POLR3G: variants seen among roughly 807,000 people sequenced by gnomAD.
POLR3G encodes RNA polymerase III subunit G.
A neutral mutation model predicts 30.1 loss-of-function variants in POLR3G; 28 were observed. That is an observed-to-expected ratio of 0.93 (90% confidence interval 0.69 to 1.27). The LOEUF (loss-of-function observed/expected upper bound fraction) is 1.27, where lower values mean the gene tolerates loss of function less well. POLR3G is among the 50% of genes most tolerant of loss of function. The pLI, the probability that POLR3G is intolerant of heterozygous loss-of-function variation, is 0.00. For synonymous variants in POLR3G, 79 were observed against 82.5 expected (o/e 0.96, Z 0.23); for missense variants, 254 against 264.6 (o/e 0.96, Z 0.28).
intron 4 of POLR3G, among the ~76,000 whole-genome samples, chr5:90,496,136 T>C (rs1751978442): frequency 6.6e-6 from 1 of 151,842 alleles, no homozygotes; most frequent in Non-Finnish European, 1.5e-5. Flanking sequence ...CATGCCCAGC[T>C]AATTTTTTGT....
chr5:90,477,710 G>A (rs1191798623), intron 1 of POLR3G, among the ~76,000 whole-genome samples: 1 of 151,536 alleles, frequency 6.6e-6, no homozygotes, highest in African/African-American at 2.5e-5. Context: ...GGTGGAGGGT[G>A]TCCAGGTTCT....
intron 3 of POLR3G, among the ~76,000 whole-genome samples, chr5:90,491,943 A>G (rs1432001745): frequency 6.6e-6 from 1 of 152,220 alleles, no homozygotes; most frequent in Non-Finnish European, 1.5e-5. Context: ...TTAAGAAGTT[A>G]TAAAGTCTTC....
intron 1 of POLR3G, among the ~76,000 whole-genome samples, chr5:90,478,204 TTTA>T (rs1750935271): frequency 6.6e-6 from 1 of 152,218 alleles, no homozygotes; most frequent in Admixed American, 6.5e-5. Context: ...AATTGACTTT[TTTA>T]TTTCAGCTCT....
chr5:90,489,258 ATTTT>A (rs527243253), intron 3 of POLR3G, among the ~76,000 whole-genome samples: 1 of 138,268 alleles, frequency 7.2e-6, no homozygotes, highest in Non-Finnish European at 1.6e-5. Context: ...AAAATACTTA[ATTTT>A]TTTTTTTTTT....
chr5:90,502,886 A>G lies in POLR3G; in HGVS notation c.438+898A>G, dbSNP rs79317130. Among the ~76,000 whole-genome samples the G allele has an allele frequency of 9.1e-4, 136 of 149,600 alleles. 1 individual carries two copies. In the East Asian group the frequency reaches 0.023, roughly 25 times the overall value. Reference sequence around the variant, plus strand: ...CTACATAATTGGATATATGGACATTATGTTTCATCTAGTGTTTTGCTGTTA... The same window carrying G: ...CTACATAATTGGATATATGGACATTGTGTTTCATCTAGTGTTTTGCTGTTA... On this transcript the variant is annotated intron_variant, in intron 6 of 7. Coordinates refer to ENST00000651687, the MANE Select transcript of POLR3G (RefSeq NM_006467.3).
chr5:90,474,665 C>A (rs111880682), upstream of POLR3G: 264 of 286,170 alleles, frequency 9.2e-4, 2 homozygotes, highest in African/African-American at 6.0e-3. Context: ...CGTGTGACAG[C>A]AGAGGCCCGC....
chr5:90,506,530 A>G lies in POLR3G; in HGVS notation c.441A>G (p.Glu147=). 6.2e-7 allele frequency: 1 copy of G among 1,612,140 alleles called. No individual in the cohort carries two copies. The highest frequency in any genetic ancestry group is 8.5e-7 in the Non-Finnish European group (1 of 1,179,414). ...NTEDVLKKME[E]LEKRGDGEKS... ...TTAATGAAACTCACTTATACCAGGA[A>G]TTGGAAAAAAGAGGTGATGGTGAAA... Residue 147 remains glutamate, a splice_region_variant and synonymous_variant, in exon 7 of 8, where the codon GAA becomes GAG. Coordinates refer to ENST00000651687, the MANE Select transcript of POLR3G (RefSeq NM_006467.3).
chr5:90,506,321 A>G (rs55650618), intron 6 of POLR3G, among the ~76,000 whole-genome samples: 4,637 of 152,308 alleles, frequency 0.03, 206 homozygotes, highest in African/African-American at 0.11. Context: ...ATTATTAAGT[A>G]ACAAAATCAA....
chr5:90,511,947 T>C, intron 7 of POLR3G, 106 bp from the exon 8 acceptor site: 1 of 734,620 alleles, frequency 1.4e-6, no homozygotes, highest in Non-Finnish European at 2.3e-6. Flanking sequence ...AAGTGAAAAC[T>C]GTTGTGTTTT....
At chr5:90,478,819 A>G (rs953057837) in intron 1 of POLR3G, among the ~76,000 whole-genome samples, 1 of 151,346 alleles carries the variant, frequency 6.6e-6, no homozygotes, top group South Asian at 2.1e-4. Flanking sequence ...CCCTGTCTCT[A>G]CTAAAAATGC....
chr5:90,474,425 G>A (rs377733994), upstream of POLR3G: 1,424 of 795,264 alleles, frequency 1.8e-3, 14 homozygotes, highest in African/African-American at 0.022. Flanking sequence ...GCGAGGCGGG[G>A]GCGTGGGATG....
Position 90,501,982 on chromosome 5 carries a change from A to C in POLR3G, c.432A>C (p.Lys144Asn). The change falls in exon 6 of 8, where the codon AAA becomes AAC. Residue 144 changes from lysine to asparagine, a missense_variant. Coordinates refer to ENST00000651687, the MANE Select transcript of POLR3G (RefSeq NM_006467.3). ...CTAATACTGAAGATGTGTTGAAAAA[A>C]ATGGAGGTAAGGTTTTCTTCTTACT... is the stretch of plus-strand genomic sequence containing the variant. The part of the protein sequence containing the change: ...PLTNTEDVLK[K>N]MEELEKRGDG... 1 of 1,612,566 alleles carries C rather than the reference A, an allele frequency of 6.2e-7. No individual in the cohort carries two copies. The highest frequency in any genetic ancestry group is 8.5e-7 in the Non-Finnish European group (1 of 1,179,096).
At chr5:90,489,887 A>G (rs1404786420) in intron 3 of POLR3G, among the ~76,000 whole-genome samples, 1 of 152,112 alleles carries the variant, frequency 6.6e-6, no homozygotes, top group Non-Finnish European at 1.5e-5. Context: ...CAAGCAGATC[A>G]CCTGAGGTCA....
At chr5:90,508,559 T>G (rs542003348) in intron 7 of POLR3G, among the ~76,000 whole-genome samples, 2 of 152,056 alleles carry the variant, frequency 1.3e-5, no homozygotes, top group Admixed American at 6.6e-5. Context: ...TTGAAAAGCT[T>G]CTTTAGCTGT....
At chr5:90,509,235 T>C (rs1052711152) in intron 7 of POLR3G, among the ~76,000 whole-genome samples, 3 of 152,200 alleles carry the variant, frequency 2.0e-5, no homozygotes, top group Non-Finnish European at 4.4e-5. Context: ...GAGTTCTTTC[T>C]AGTCTTTAAA....
intron 1 of POLR3G, among the ~76,000 whole-genome samples, chr5:90,479,478 A>G (rs1025433216): frequency 4.6e-5 from 7 of 152,226 alleles, no homozygotes; most frequent in African/African-American, 1.7e-4. Context: ...ATCTCGGGAA[A>G]AAACAAACAA....
At chr5:90,505,091 G>T (rs558848972) in intron 6 of POLR3G, among the ~76,000 whole-genome samples, 7 of 152,292 alleles carry the variant, frequency 4.6e-5, no homozygotes, top group Admixed American at 2.6e-4. Context: ...ATTCAAATTT[G>T]AATTTAATTA....
chr5:90,491,942 T>C (rs1263208091), intron 3 of POLR3G, among the ~76,000 whole-genome samples: 2 of 152,254 alleles, frequency 1.3e-5, no homozygotes, highest in Non-Finnish European at 2.9e-5. Flanking sequence ...TTTAAGAAGT[T>C]ATAAAGTCTT....
chr5:90,481,453 T>C (rs1751119112), intron 1 of POLR3G, among the ~76,000 whole-genome samples: 1 of 152,156 alleles, frequency 6.6e-6, no homozygotes, highest in Non-Finnish European at 1.5e-5. Context: ...ATCCAGAATA[T>C]GGGAAATTAT....
Sources: gnomAD v4.1 joint callset for allele counts (sites outside exome capture counted in the v4.1 genomes callset) on GRCh38, gnomAD v4.1.1 for gene constraint, MANE v1.5 for transcripts, NCBI Gene and HGNC (gene_info 2026-07-23, HGNC 2026-07-21) for gene names.